The following ACSM2A variants were observed in gnomAD, a reference collection of about 807,000 sequenced individuals.
The protein encoded by ACSM2A is acyl-CoA synthetase medium chain family member 2A.
ACSM2A carries 72 observed loss-of-function variants against 76.6 expected under a neutral mutation model. The ratio of observed to expected loss-of-function variants is 0.94; its 90% CI spans 0.78 to 1.14. The LOEUF is 1.14. Ranked by LOEUF, ACSM2A falls within the 50% of genes most tolerant of loss-of-function variation. The pLI is 0.00. For synonymous variants in ACSM2A, 249 were observed against 255.9 expected, an observed-to-expected ratio of 0.97 and a Z score of 0.26; for missense variants, 684 against 708.5, an observed-to-expected ratio of 0.97 and a Z score of 0.39.
intron 10 of ACSM2A, among the ~76,000 whole-genome samples, chr16:20,479,239 C>T (rs1330604151): frequency 6.6e-6 from 1 of 152,088 alleles, no homozygotes. Context: ...AGAGAAGACC[C>T]CAAGGGCATG....
chr16:20,483,597 A>AAAAAG (rs2014228504), intron 13 of ACSM2A, among the ~76,000 whole-genome samples: 1 of 147,034 alleles, frequency 6.8e-6, no homozygotes, highest in Non-Finnish European at 1.5e-5. Flanking sequence ...AAAAAAAAAA[A>AAAAAG]AAAAAGTCTT....
intron 13 of ACSM2A, among the ~76,000 whole-genome samples, chr16:20,483,569 C>CAA (rs60606533): frequency 0.084 from 2,692 of 32,216 alleles, 1,166 homozygotes; most frequent in East Asian, 0.24. Flanking sequence ...GACTCTGTCT[C>CAA]AAAAAAAAAA....
At chr16:20,478,845 C>G (rs2013921125) in intron 10 of ACSM2A, among the ~76,000 whole-genome samples, 168 bp downstream of exon 10, 1 of 152,220 alleles carries the variant, frequency 6.6e-6, no homozygotes, top group Non-Finnish European at 1.5e-5. Flanking sequence ...AGTGGCTATT[C>G]AGCCTTGCCA....
chr16:20,452,546 G>T (rs1179950391), intron 1 of ACSM2A: 1 of 121,124 alleles, frequency 8.3e-6, no homozygotes, highest in Non-Finnish European at 1.7e-5. Flanking sequence ...TTAATACTTA[G>T]TAAACTCATA....
At chr16:20,461,524 A>T (rs1001140229) in intron 2 of ACSM2A, among the ~76,000 whole-genome samples, 1 of 152,184 alleles carries the variant, frequency 6.6e-6, no homozygotes, top group African/African-American at 2.4e-5. Context: ...AAAATAAATG[A>T]CTAATGAAAA....
intron 2 of ACSM2A, among the ~76,000 whole-genome samples, chr16:20,462,373 A>ACTGTTGT (rs2012675124): frequency 6.6e-6 from 1 of 152,184 alleles, no homozygotes; most frequent in East Asian, 1.9e-4. Flanking sequence ...TCAGGAAGAG[A>ACTGTTGT]CTGTTGTCAT....
intron 13 of ACSM2A, 119 bp downstream of exon 13, chr16:20,483,296 G>A (rs1356597568): frequency 1.8e-5 from 27 of 1,472,362 alleles, no homozygotes; most frequent in Admixed American, 9.8e-5. Context: ...CTGGCTGGGC[G>A]CGGCAGCTCA....
At chr16:20,454,287 T>C (rs1253019598) in intron 1 of ACSM2A, among the ~76,000 whole-genome samples, 2 of 151,178 alleles carry the variant, frequency 1.3e-5, no homozygotes, top group Non-Finnish European at 2.9e-5. Context: ...CTGGTTCCCC[T>C]GATAGATTGG....
intron 9 of ACSM2A, among the ~76,000 whole-genome samples, chr16:20,478,224 G>A (rs955943682): frequency 6.6e-6 from 1 of 152,186 alleles, no homozygotes; most frequent in African/African-American, 2.4e-5. Flanking sequence ...AAGTCAGCTA[G>A]TAAGGTAGCA....
intron 1 of ACSM2A, among the ~76,000 whole-genome samples, chr16:20,458,664 T>C (rs1437045308): frequency 1.4e-5 from 2 of 142,698 alleles, no homozygotes; most frequent in Non-Finnish European, 3.0e-5. Flanking sequence ...CTCATGGATA[T>C]ATAATATATC....
intron 4 of ACSM2A, among the ~76,000 whole-genome samples, chr16:20,470,554 C>A (rs1345285325): frequency 1.3e-5 from 2 of 152,192 alleles, no homozygotes; most frequent in Admixed American, 6.5e-5. Context: ...GAAATAAACA[C>A]CATCATGCCT....
intron 13 of ACSM2A, 72 bp downstream of exon 13, chr16:20,483,249 C>T: frequency 2.5e-6 from 4 of 1,587,864 alleles, no homozygotes; most frequent in Non-Finnish European, 3.4e-6. Context: ...TTATCTTCTT[C>T]AGGAGGAGGA....
intron 1 of ACSM2A, among the ~76,000 whole-genome samples, chr16:20,458,932 A>ATATATATG (rs1491482058): frequency 3.5e-5 from 2 of 56,970 alleles, no homozygotes; most frequent in African/African-American, 2.4e-4. Flanking sequence ...ATATATATAT[A>ATATATATG]CATATATATA....
At chr16:20,460,410 T>C (rs2012545841) in intron 2 of ACSM2A, 119 bp downstream of exon 2, 6 of 1,481,894 alleles carry the variant, frequency 4.0e-6, no homozygotes, top group East Asian at 4.9e-5. Context: ...TAATAAGCTA[T>C]GGACAAGACA....
At chr16:20,455,209 T>C (rs916406229) in intron 1 of ACSM2A, among the ~76,000 whole-genome samples, 1 of 151,516 alleles carries the variant, frequency 6.6e-6, no homozygotes, top group African/African-American at 2.4e-5. Flanking sequence ...ATCTAAAAGT[T>C]TGGGAAATGT....
intron 9 of ACSM2A, among the ~76,000 whole-genome samples, chr16:20,478,010 T>C (rs1397718946): frequency 1.3e-5 from 2 of 152,222 alleles, no homozygotes; most frequent in Non-Finnish European, 2.9e-5. Flanking sequence ...ATCTGTGTTA[T>C]GTGTATAGTT....
intron 13 of ACSM2A, 135 bp from the exon 14 acceptor site, chr16:20,486,439 C>G: frequency 1.1e-6 from 1 of 897,868 alleles, no homozygotes; most frequent in Non-Finnish European, 1.8e-6. Flanking sequence ...CTTTCTGAAG[C>G]TTCTTATTGC....
intron 2 of ACSM2A, among the ~76,000 whole-genome samples, chr16:20,461,178 A>G (rs1375938058): frequency 6.9e-6 from 1 of 145,056 alleles, no homozygotes; most frequent in Admixed American, 6.8e-5. Flanking sequence ...TTGGTGCTCA[A>G]AAAGAGTCAC....
chr16:20,473,535 G>A (rs1316861484), intron 6 of ACSM2A, among the ~76,000 whole-genome samples: 2 of 152,152 alleles, frequency 1.3e-5, no homozygotes, highest in Non-Finnish European at 2.9e-5. Context: ...AAGCACACTT[G>A]AAGGAAATTA....
Sources: gnomAD v4.1 joint callset for allele counts (sites outside exome capture counted in the v4.1 genomes callset) on GRCh38, gnomAD v4.1.1 for gene constraint, MANE v1.5 for transcripts, NCBI Gene and HGNC (gene_info 2026-07-23, HGNC 2026-07-21) for gene names.